Variants in TDRD3 observed in about 807,000 individuals in gnomAD.
The protein encoded by TDRD3 is tudor domain-containing protein 3.
In TDRD3, 45 loss-of-function variants were observed where a neutral mutation model predicts 86.7. That is an observed-to-expected ratio of 0.52 (90% confidence interval 0.41 to 0.67). The LOEUF (loss-of-function observed/expected upper bound fraction) is 0.67, where lower values mean the gene tolerates loss of function less well. Ranked by LOEUF, TDRD3 falls within the 30% of genes least tolerant of loss-of-function variation. TDRD3 has a pLI of 0.00. For missense variants in TDRD3, 814 were observed against 889.0 expected, an observed-to-expected ratio of 0.92 and a Z score of 1.07; for synonymous variants, 298 against 301.7, an observed-to-expected ratio of 0.99 and a Z score of 0.13.
intron 4 of TDRD3, among the ~76,000 whole-genome samples, chr13:60,461,480 CT>C (rs2138056966): frequency 1.3e-5 from 2 of 152,274 alleles, no homozygotes; most frequent in Admixed American, 1.3e-4. Flanking sequence ...GAGGTGGAAA[CT>C]TTCACTAGAC....
intron 12 of TDRD3, among the ~76,000 whole-genome samples, chr13:60,561,902 A>G (rs1476412329): frequency 6.6e-6 from 1 of 150,608 alleles, no homozygotes; most frequent in Non-Finnish European, 1.5e-5. Context: ...TGTTTGTAGT[A>G]GAACTACAAA....
At position 60,397,341 on chromosome 13, in the gene TDRD3, C is replaced by G. The variant is rs1305083874; in HGVS notation, c.-24C>G. The stretch of plus-strand genomic sequence containing the variant: ...CCATCACCCCCACCCCAGCCCCCCA[C>G]CACCCCCGGCCTAAGCAGCTACCAT... On this transcript the variant is annotated 5_prime_UTR_variant, in exon 1 of 14. Transcript: ENST00000377881. 3 of 1,459,024 alleles carry G rather than the reference C, an allele frequency of 2.1e-6. No individual in the cohort carries two copies. The highest frequency in any genetic ancestry group is 2.7e-6 in the Non-Finnish European group (3 of 1,100,910). The allele number at this position is 1,459,024 out of a possible 1,614,324, so 90.4% of individuals were successfully genotyped here.
At chr13:60,573,154 T>C (rs1211574875) in intron 13 of TDRD3, among the ~76,000 whole-genome samples, 1 of 152,166 alleles carries the variant, frequency 6.6e-6, no homozygotes, top group Admixed American at 6.5e-5. Flanking sequence ...GCCTAATAAA[T>C]GTGGGGAGCA....
upstream of TDRD3, chr13:60,396,483 A>G (rs528014341): frequency 1.4e-4 from 21 of 152,392 alleles, no homozygotes; most frequent in East Asian, 3.9e-3. Context: ...AGCCCTCTAC[A>G]GCGCGGGCGA....
intron 12 of TDRD3, among the ~76,000 whole-genome samples, chr13:60,542,686 TC>T (rs1422811814): frequency 6.6e-6 from 1 of 152,214 alleles, no homozygotes; most frequent in Non-Finnish European, 1.5e-5. Flanking sequence ...AGTTGTTCAT[TC>T]TCTTTTTAAA....
At chr13:60,481,540 C>T (rs112874831) in intron 5 of TDRD3, among the ~76,000 whole-genome samples, 6,782 of 151,840 alleles carry the variant, frequency 0.045, 218 homozygotes, top group Middle Eastern at 0.068. Flanking sequence ...TACTCTTAAG[C>T]CCATCCAATG....
chr13:60,448,196 T>C (rs906458148), intron 3 of TDRD3, among the ~76,000 whole-genome samples: 11 of 152,106 alleles, frequency 7.2e-5, no homozygotes, highest in Non-Finnish European at 1.3e-4. Context: ...AGCTGATAGA[T>C]CTGTCATCAG....
rs552749829 is a variant in TDRD3, at chr13:60,517,987, C to T, written c.1141+7232C>T. 2.0e-4 allele frequency among the ~76,000 whole-genome samples: 30 copies of T among 152,306 alleles called. No homozygotes were observed. In the East Asian group the frequency reaches 2.1e-3, roughly 11 times the overall value. On this transcript the variant is annotated intron_variant, in intron 10 of 13. Transcript: ENST00000377881. The stretch of plus-strand genomic sequence containing the variant: ...AAACAAAAACCCTGGTCTTTCACTA[C>T]AGTAAGTTTGAAATGTTCTGGTTTA...
intron 5 of TDRD3, among the ~76,000 whole-genome samples, chr13:60,478,583 G>A (rs951867700): frequency 6.6e-6 from 1 of 152,004 alleles, no homozygotes; most frequent in Non-Finnish European, 1.5e-5. Flanking sequence ...GGGATTACAG[G>A]CATGAGCTAC....
At chr13:60,473,882 C>G (rs1043019382) in intron 5 of TDRD3, among the ~76,000 whole-genome samples, 1 of 152,144 alleles carries the variant, frequency 6.6e-6, no homozygotes, top group Non-Finnish European at 1.5e-5. Flanking sequence ...GCGTCAGTAC[C>G]TGGGGAAGGC....
chr13:60,557,128 C>T (rs1958206371), intron 12 of TDRD3, among the ~76,000 whole-genome samples: 2 of 151,810 alleles, frequency 1.3e-5, no homozygotes, highest in African/African-American at 2.4e-5. Context: ...ATCGCTTGAA[C>T]CCAGGAGGCG....
At chr13:60,408,762 G>A (rs542350734) in intron 1 of TDRD3, among the ~76,000 whole-genome samples, 1 of 152,238 alleles carries the variant, frequency 6.6e-6, no homozygotes, top group East Asian at 1.9e-4. Context: ...ACAAAAGTTT[G>A]GAAAATTTGC....
At chr13:60,570,220 AT>A (rs1172392124) in intron 13 of TDRD3, among the ~76,000 whole-genome samples, 1 of 152,242 alleles carries the variant, frequency 6.6e-6, no homozygotes, top group African/African-American at 2.4e-5. Context: ...AAGAAAAAAA[AT>A]AATAATCTGA....
chr13:60,437,554 T>C (rs901981375), intron 1 of TDRD3, among the ~76,000 whole-genome samples: 1 of 151,860 alleles, frequency 6.6e-6, no homozygotes, highest in Non-Finnish European at 1.5e-5. Context: ...GACTCCTTCA[T>C]CTGTAAAGTT....
chr13:60,440,715 C>T (rs1201920375), intron 2 of TDRD3, among the ~76,000 whole-genome samples: 5 of 152,030 alleles, frequency 3.3e-5, no homozygotes, highest in African/African-American at 1.2e-4. Flanking sequence ...GTTCTTTTCT[C>T]ATTCCTGCAA....
intron 3 of TDRD3, among the ~76,000 whole-genome samples, chr13:60,454,999 T>C (rs1391339694): frequency 6.6e-6 from 1 of 152,008 alleles, no homozygotes; most frequent in Non-Finnish European, 1.5e-5. Context: ...CTGCAACCTC[T>C]CCTTCCCGGA....
rs1385421031 is a variant in TDRD3, at chr13:60,535,115, G to A, written c.2000G>A (p.Arg667Gln). 12 of 1,613,236 alleles carry A rather than the reference G, an allele frequency of 7.4e-6. No individual in the cohort carries two copies. Among genetic ancestry groups the A allele is most frequent in the African/African-American group, 5.4e-5 (4 of 74,752 alleles). ...CTCCTTTTGCCTCCTCAGTTTTACC[G>A]GGCAGAAGTTGAAGCCCTCCATTCT... Reference protein sequence around the residue: ...ALYWEDNKFYRAEVEALHSSG... With the variant: ...ALYWEDNKFYQAEVEALHSSG... The change falls in exon 12 of 14, where the codon CGG becomes CAG. Residue 667 changes from arginine to glutamine, a missense_variant. Transcript: ENST00000377881.
At chr13:60,396,573 G>A (rs1174748066), upstream of TDRD3, 20 of 152,920 alleles carry the variant, frequency 1.3e-4, no homozygotes, top group Admixed American at 1.3e-3. Flanking sequence ...CTAGGACACG[G>A]ATGGTCCCAG....
chr13:60,478,289 C>CG (rs1307578791), intron 5 of TDRD3, among the ~76,000 whole-genome samples: 25 of 138,176 alleles, frequency 1.8e-4, no homozygotes, highest in Non-Finnish European at 3.5e-4. Context: ...AGCAGTCTAC[C>CG]AATTTTTTTT....
Sources: gnomAD v4.1 joint callset for allele counts (sites outside exome capture counted in the v4.1 genomes callset) on GRCh38, gnomAD v4.1.1 for gene constraint, MANE v1.5 for transcripts, NCBI Gene and HGNC (gene_info 2026-07-23, HGNC 2026-07-21) for gene names.